Variants in NTM observed in about 807,000 individuals in gnomAD.
The protein encoded by NTM is neurotrimin.
A neutral mutation model predicts 42.1 loss-of-function variants in NTM; 13 were observed. The observed-to-expected ratio is 0.31, with a 90% CI of 0.20 to 0.49. The LOEUF (loss-of-function observed/expected upper bound fraction) is 0.49, where lower values mean the gene tolerates loss of function less well. NTM is among the 20% of genes least tolerant of loss of function. NTM has a pLI of 0.99. For synonymous variants in NTM, 187 were observed against 179.2 expected, an observed-to-expected ratio of 1.04 and a Z score of -0.35; for missense variants, 373 against 452.8, an observed-to-expected ratio of 0.82 and a Z score of 1.60.
At chr11:131,563,239 G>A (rs866223558) in intron 1 of NTM, among the ~76,000 whole-genome samples, 1 of 152,304 alleles carries the variant, frequency 6.6e-6, no homozygotes, top group Middle Eastern at 3.4e-3. Context: ...TATCACTGGA[G>A]CCTTAGCTCC....
At chr11:132,172,187 A>G (rs1278887402) in intron 3 of NTM, among the ~76,000 whole-genome samples, 1 of 152,260 alleles carries the variant, frequency 6.6e-6, no homozygotes, top group Admixed American at 6.5e-5. Context: ...CATAGAGATC[A>G]TATGATACAT....
chr11:132,070,821 C>T lies in NTM; in HGVS notation c.168-75461C>T, dbSNP rs531434957. ...ACTGACCGTCACAGGTTAGTTAACA[C>T]GTCACACAGCCAAGTTAACACGTCA... is the stretch of plus-strand genomic sequence containing the variant. On this transcript the variant is annotated intron_variant, in intron 2 of 8. Transcript: ENST00000683400. Among the ~76,000 whole-genome samples, 29 of 142,912 alleles carry T rather than the reference C, an allele frequency of 2.0e-4. 1 individual carries two copies. The highest frequency in any genetic ancestry group is 7.0e-4 in the African/African-American group (27 of 38,792). The allele number at this position is 142,912 out of a possible 152,430, so 93.8% of individuals were successfully genotyped here.
At chr11:131,811,018 A>G (rs1160436778) in intron 1 of NTM, among the ~76,000 whole-genome samples, 1 of 152,260 alleles carries the variant, frequency 6.6e-6, no homozygotes, top group Non-Finnish European at 1.5e-5. Context: ...AATACTTTAA[A>G]AAATCAGAAC....
chr11:131,687,943 G>T (rs1012224428), intron 1 of NTM, among the ~76,000 whole-genome samples: 18 of 152,214 alleles, frequency 1.2e-4, no homozygotes, highest in African/African-American at 4.3e-4. Context: ...ATTTTTAAAA[G>T]AAAACTCATT....
intron 2 of NTM, among the ~76,000 whole-genome samples, chr11:132,055,168 T>C (rs2079437580): frequency 6.6e-6 from 1 of 152,212 alleles, no homozygotes; most frequent in Admixed American, 6.5e-5. Context: ...CTGTCAATCT[T>C]CATTCTTAAA....
intron 1 of NTM, among the ~76,000 whole-genome samples, chr11:131,901,102 T>A (rs1164642376): frequency 6.6e-6 from 1 of 152,210 alleles, no homozygotes; most frequent in Non-Finnish European, 1.5e-5. Flanking sequence ...GCCAGGTACT[T>A]CACTGGTACT....
intron 2 of NTM, among the ~76,000 whole-genome samples, chr11:132,092,156 A>G (rs990455190): frequency 1.3e-5 from 2 of 152,100 alleles, no homozygotes; most frequent in Non-Finnish European, 2.9e-5. Flanking sequence ...CTCACTTTCT[A>G]TTTCCCTTCA....
chr11:131,902,654 G>T (rs933412829), intron 1 of NTM, among the ~76,000 whole-genome samples: 3 of 152,178 alleles, frequency 2.0e-5, no homozygotes, highest in Non-Finnish European at 4.4e-5. Context: ...GGTATGGTGT[G>T]TCTGTATATG....
rs551279544 is a variant in NTM, at chr11:131,919,916, T to C, written c.167+8268T>C. Among the ~76,000 whole-genome samples, 163 of 152,262 alleles carry C rather than the reference T, an allele frequency of 1.1e-3. 1 individual carries two copies. The highest frequency in any genetic ancestry group is 3.6e-3 in the African/African-American group (150 of 41,554). On this transcript the variant is annotated intron_variant, in intron 2 of 8. Coordinates refer to ENST00000683400, the MANE Select transcript of NTM (RefSeq NM_001352005.2). ...CCTTTGTCCACCTATAATTGTGAGT[T>C]TTTTTGTGGTGCCTCTCCTACACAT...
intron 1 of NTM, among the ~76,000 whole-genome samples, chr11:131,582,868 G>T (rs553719538): frequency 8.6e-5 from 13 of 151,964 alleles, no homozygotes; most frequent in Middle Eastern, 3.2e-3. Flanking sequence ...GCTGGGCACT[G>T]TGAGTCCCAC....
At chr11:132,315,081 T>TTTTTTTTTTCTCAGTGATGATGGCTCCTA in intron 7 of NTM, 1 of 978,236 alleles carries the variant, frequency 1.0e-6, no homozygotes, top group Non-Finnish European at 1.2e-6. Flanking sequence ...TGACATTTGA[T>TTTTTTTTTTCTCAGTGATGATGGCTCCTA]TTTTTTTTTC....
intron 4 of NTM, among the ~76,000 whole-genome samples, chr11:132,291,980 T>G (rs116239836): frequency 0.026 from 3,941 of 152,150 alleles, 180 homozygotes; most frequent in African/African-American, 0.09. Flanking sequence ...AGCTTGACTG[T>G]GAAAAGAGGC....
At chr11:131,549,656 C>G (rs1297776798) in intron 1 of NTM, among the ~76,000 whole-genome samples, 1 of 152,220 alleles carries the variant, frequency 6.6e-6, no homozygotes, top group Non-Finnish European at 1.5e-5. Flanking sequence ...GGACCCACAG[C>G]TCTTTGCCCC....
chr11:131,398,639 A>G (rs923300264), intron 1 of NTM, among the ~76,000 whole-genome samples: 1 of 152,172 alleles, frequency 6.6e-6, no homozygotes, highest in Non-Finnish European at 1.5e-5. Flanking sequence ...GTTGTAAATA[A>G]TGTTTCAGTG....
intron 7 of NTM, among the ~76,000 whole-genome samples, chr11:132,320,834 C>G (rs537180112): frequency 2.0e-5 from 3 of 151,320 alleles, no homozygotes; most frequent in South Asian, 2.1e-4. Context: ...GATCTGAGAA[C>G]GGGCAGACTG....
At chr11:132,085,714 T>A (rs2136330763) in intron 2 of NTM, among the ~76,000 whole-genome samples, 1 of 152,308 alleles carries the variant, frequency 6.6e-6, no homozygotes, top group East Asian at 1.9e-4. Context: ...ATCACATATA[T>A]AACTACACAG....
At chr11:131,820,542 A>T (rs925605594) in intron 1 of NTM, among the ~76,000 whole-genome samples, 4 of 152,170 alleles carry the variant, frequency 2.6e-5, no homozygotes, top group African/African-American at 7.2e-5. Context: ...ACCTAGATTA[A>T]TTTTTTTAAA....
chr11:131,813,458 C>T (rs776457455), intron 1 of NTM, among the ~76,000 whole-genome samples: 11 of 152,046 alleles, frequency 7.2e-5, no homozygotes, highest in African/African-American at 1.7e-4. Flanking sequence ...AGATGGAGCT[C>T]CTGTAAAGGA....
chr11:131,988,755 AG>A (rs1274931435), intron 2 of NTM, among the ~76,000 whole-genome samples: 1 of 152,200 alleles, frequency 6.6e-6, no homozygotes, highest in African/African-American at 2.4e-5. Flanking sequence ...TGGCCAGCAG[AG>A]GCAGTTAGGT....
Sources: allele counts gnomAD v4.1 joint callset (sites outside exome capture counted in the v4.1 genomes callset), GRCh38; gene constraint gnomAD v4.1.1; transcripts MANE v1.5; gene names NCBI Gene and HGNC (gene_info 2026-07-23, HGNC 2026-07-21).